SNX13: variants seen among roughly 807,000 people sequenced by gnomAD.
SNX13 encodes the protein sorting nexin 13.
Under a neutral mutation model 133.6 loss-of-function variants are expected in SNX13, and 45 were observed. The ratio of observed to expected loss-of-function variants is 0.34; its 90% confidence interval spans 0.27 to 0.43. The LOEUF is 0.43. Ranked by LOEUF, SNX13 falls within the 20% of genes least tolerant of loss-of-function variation. The pLI, the probability that SNX13 is intolerant of heterozygous loss-of-function variation, is 1.00. For synonymous variants in SNX13, 414 were observed against 373.9 expected (o/e 1.11, Z -1.24); for missense variants, 1,032 against 1,145.1 (o/e 0.90, Z 1.43).
rs192032832 is a variant in SNX13 at position 17,887,384 on chromosome 7, C to T, written c.440+2979G>A. Among the ~76,000 whole-genome samples, 812 of 152,212 alleles carry T rather than the reference C, an allele frequency of 5.3e-3. 10 individuals carry two copies. Among genetic ancestry groups the T allele is most frequent in the Non-Finnish European group, 8.3e-3 (567 of 68,016 alleles). ...ATACATGGGTTATCCAGGATTCATT[C>T]CCTAAGGCTCCCGTCTAATCCACAC... On this transcript the variant is annotated intron_variant, in intron 5 of 25. Coordinates refer to ENST00000428135, the MANE Select transcript of SNX13 (RefSeq NM_015132.5).
At chr7:17,939,546 C>T (rs1802521744) in intron 1 of SNX13, among the ~76,000 whole-genome samples, 1 of 152,162 alleles carries the variant, frequency 6.6e-6, no homozygotes, top group Admixed American at 6.5e-5. Flanking sequence ...TTTGCAATGC[C>T]CATTAGGCAC....
intron 22 of SNX13, among the ~76,000 whole-genome samples, chr7:17,800,913 G>T (rs1334418305): frequency 6.6e-6 from 1 of 150,552 alleles, no homozygotes; most frequent in African/African-American, 2.4e-5. Flanking sequence ...AGTACTGGCA[G>T]GATGTAGAAC....
At chr7:17,804,720 C>T (rs1052955355) in intron 20 of SNX13, among the ~76,000 whole-genome samples, 1 of 151,130 alleles carries the variant, frequency 6.6e-6, no homozygotes, top group African/African-American at 2.4e-5. Context: ...TCATACAAAA[C>T]TACAGAAATG....
In SNX13 at chr7:17,826,194, C is replaced by T. The variant is rs1787894031; in HGVS notation, c.1636-103G>A. On this transcript the variant is annotated intron_variant, in intron 16 of 25. Transcript: ENST00000428135. ...TGCATTACAATTACTCATTTCCCTG[C>T]ATGTAAACTATATATTATTTGTATA... The T allele has an allele frequency of 4.8e-6, 3 of 627,176 alleles. No individual in the cohort carries two copies. The African/African-American group carries it at 5.5e-5, about 12-fold the overall frequency. 38.9% of individuals were successfully genotyped at this position (627,176 alleles called of 1,614,324 possible).
At position 17,928,318 on chromosome 7, in the gene SNX13, G is replaced by A. The variant is rs932198144; in HGVS notation, c.12+11966C>T. Among the ~76,000 whole-genome samples the A allele has an allele frequency of 5.3e-5, 8 of 152,228 alleles. No homozygotes were observed. In the East Asian group the frequency reaches 1.4e-3, roughly 26 times the overall value. ...GATTCCAGCCTGGGCAATATAGCAA[G>A]ACCCCATCTCTAAAAAAATATATAT... is the stretch of plus-strand genomic sequence containing the variant. On this transcript the variant is annotated intron_variant, in intron 1 of 25. Transcript: ENST00000428135.
At chr7:17,847,195 T>C (rs1649832096) in intron 11 of SNX13, among the ~76,000 whole-genome samples, 2 of 151,548 alleles carry the variant, frequency 1.3e-5, no homozygotes, top group African/African-American at 2.4e-5. Context: ...TGCACGAGTA[T>C]ATAAACTAGT....
chr7:17,833,542 C>T (rs2691600), intron 15 of SNX13, among the ~76,000 whole-genome samples: 91,249 of 151,228 alleles, frequency 0.6, 28,879 homozygotes, highest in African/African-American at 0.8. Flanking sequence ...ATTATCCTCA[C>T]TGGAAAAAAC....
rs950447539 is a variant in SNX13, at chr7:17,890,346, C to G, written c.440+17G>C. On this transcript the variant is annotated intron_variant, in intron 5 of 25. Coordinates refer to ENST00000428135, the MANE Select transcript of SNX13 (RefSeq NM_015132.5). ...ACATCTAAATTTTTCTGCATAAATA[C>G]AATGTCGTGTCCTTACCTAGTAGCA... is the stretch of plus-strand genomic sequence containing the variant. 6.3e-7 allele frequency: 1 copy of G among 1,599,972 alleles called. No homozygotes were observed. Among genetic ancestry groups the G allele is most frequent in the Non-Finnish European group, 8.5e-7 (1 of 1,175,028 alleles).
At position 17,821,592 on chromosome 7, in the gene SNX13, G is replaced by C; in HGVS notation, c.1762C>G (p.Arg588Gly). The C allele has an allele frequency of 1.2e-6, 2 of 1,613,534 alleles. No individual in the cohort carries two copies. The highest frequency in any genetic ancestry group is 1.7e-6 in the Non-Finnish European group (2 of 1,179,652). ...CACATCTCCTCACTGTTTAGGTTGCGCCGGTGTACAGTGATGGCATATAAT... is the reference window on the plus strand; with the variant it reads ...CACATCTCCTCACTGTTTAGGTTGCCCCGGTGTACAGTGATGGCATATAAT... ...YALYAITVHR[R>G]NLNSEEMWKT... Residue 588 changes from arginine to glycine, a missense_variant, in exon 18 of 26, where the codon CGC becomes GGC. Physicochemically the swap from Arg to Gly is moderately radical, Grantham distance 125 (BLOSUM62 -2). Coordinates refer to ENST00000428135, the MANE Select transcript of SNX13 (RefSeq NM_015132.5).
chr7:17,890,276 C>A, intron 5 of SNX13, 87 bp downstream of exon 5: 1 of 1,282,036 alleles, frequency 7.8e-7, no homozygotes, highest in African/African-American at 1.5e-5. Context: ...TTTTAATAAA[C>A]AATTCCTCCC....
chr7:17,826,174 T>G, intron 16 of SNX13, 83 bp from the exon 17 acceptor site: 4 of 765,540 alleles, frequency 5.2e-6, no homozygotes, highest in Non-Finnish European at 8.4e-6. Flanking sequence ...ATATATGCAT[T>G]ACAATTACTC....
At chr7:17,871,195 C>T (rs566942680) in intron 8 of SNX13, among the ~76,000 whole-genome samples, 5 of 152,008 alleles carry the variant, frequency 3.3e-5, no homozygotes, top group Admixed American at 6.5e-5. Flanking sequence ...TTAGTAGAGA[C>T]GGCGTTTCAC....
At chr7:17,830,847 T>A in intron 15 of SNX13, 1 of 984,316 alleles carries the variant, frequency 1.0e-6, no homozygotes, top group Non-Finnish European at 1.2e-6. Flanking sequence ...AGGTTATATA[T>A]GAATTTGGTT....
At position 17,799,680 on chromosome 7, in the gene SNX13, T is replaced by G. The variant is rs76901961; in HGVS notation, c.2299-526A>C. Among the ~76,000 whole-genome samples, 792 of 151,856 alleles carry G rather than the reference T, an allele frequency of 5.2e-3. 11 individuals carry two copies. Among genetic ancestry groups the G allele is most frequent in the African/African-American group, 0.018 (752 of 41,514 alleles). On this transcript the variant is annotated intron_variant, in intron 22 of 25. Transcript: ENST00000428135. The stretch of plus-strand genomic sequence containing the variant: ...ATCCATCACACAACTAAATTCACAT[T>G]ACAAAAGGCATAGTTTACTAAATTA...
rs55946438 is a variant in SNX13 at position 17,805,211 on chromosome 7, T to TTGTGTGTGTGTGTGTG, written c.2065-1647_2065-1632dup. On this transcript the variant is annotated intron_variant, in intron 20 of 25. Coordinates refer to ENST00000428135, the MANE Select transcript of SNX13 (RefSeq NM_015132.5). Reference sequence around the variant, plus strand: ...AGTCTCACGTTTGGCTAATGATTCTTTGTGTGTGTGTGTGTGTGTGTGTGT... The same window carrying TTGTGTGTGTGTGTGTG: ...AGTCTCACGTTTGGCTAATGATTCTTTGTGTGTGTGTGTGTGTGTGTGTGTGTGTGTGTGTGTGTGT... Among the ~76,000 whole-genome samples, 1,074 of 118,336 alleles carry TTGTGTGTGTGTGTGTG rather than the reference T, an allele frequency of 9.1e-3. 20 individuals carry two copies. The highest frequency in any genetic ancestry group is 0.019 in the African/African-American group (554 of 29,698). 77.6% of individuals were successfully genotyped at this position (118,336 alleles called of 152,430 possible).
At chr7:17,821,927 A>G (rs1787341548) in intron 17 of SNX13, among the ~76,000 whole-genome samples, 1 of 152,166 alleles carries the variant, frequency 6.6e-6, no homozygotes, top group Admixed American at 6.6e-5. Context: ...ACCTATTACA[A>G]TTCTCTCTTC....
intron 5 of SNX13, chr7:17,888,868 C>A: frequency 2.8e-6 from 1 of 358,168 alleles, no homozygotes. Context: ...AGTTTAAAGA[C>A]ACTTGCTCAC....
At chr7:17,873,456 T>G (rs531338797) in intron 8 of SNX13, 72 bp downstream of exon 8, 15,582 of 841,588 alleles carry the variant, frequency 0.019, 224 homozygotes, top group Non-Finnish European at 0.021. Context: ...AACAGGGTCT[T>G]AAGACAAAAA....
intron 5 of SNX13, chr7:17,888,502 C>A (rs1169909519): frequency 2.8e-5 from 6 of 211,624 alleles, no homozygotes; most frequent in Non-Finnish European, 5.9e-5. Context: ...GAAAAAATAC[C>A]AAACTTAAGA....
Sources: allele counts gnomAD v4.1 joint callset (sites outside exome capture counted in the v4.1 genomes callset), GRCh38; gene constraint gnomAD v4.1.1; transcripts MANE v1.5; gene names NCBI Gene and HGNC (gene_info 2026-07-23, HGNC 2026-07-21).